Variants in CEACAM7 observed in about 807,000 individuals in gnomAD.
CEACAM7 encodes the protein CEA cell adhesion molecule 7.
A neutral mutation model predicts 25.7 loss-of-function variants in CEACAM7; 24 were observed. The ratio of observed to expected loss-of-function variants is 0.93; its 90% confidence interval spans 0.68 to 1.31. The LOEUF (loss-of-function observed/expected upper bound fraction) is 1.31. Among genes scored for constraint, CEACAM7 ranks in the 40% most tolerant of loss-of-function variants. The probability of loss-of-function intolerance (pLI) is 0.00; values close to 1 mark genes in which losing one functional copy is unlikely to be tolerated. For synonymous variants in CEACAM7, 144 were observed against 129.4 expected (o/e 1.11, Z -0.77); for missense variants, 324 against 330.1 (o/e 0.98, Z 0.14).
intron 4 of CEACAM7, among the ~76,000 whole-genome samples, chr19:41,677,058 G>A (rs1347275578): frequency 6.6e-6 from 1 of 152,190 alleles, no homozygotes; most frequent in African/African-American, 2.4e-5. Context: ...TCAAGCAGTT[G>A]TTGAGGTTTA....
chr19:41,683,756 T>C, intron 3 of CEACAM7, 29 bp downstream of exon 3: 2 of 1,611,736 alleles, frequency 1.2e-6, no homozygotes, highest in Non-Finnish European at 1.7e-6. Context: ...GCTGTCAGCC[T>C]GGGCCACAGA....
At chr19:41,678,669 C>T (rs1313645830) in intron 3 of CEACAM7, among the ~76,000 whole-genome samples, 4 of 152,092 alleles carry the variant, frequency 2.6e-5, no homozygotes, top group African/African-American at 4.8e-5. Flanking sequence ...TAGTGACAGG[C>T]GGATCTAGGA....
chr19:41,686,558 T>G (rs1337564761), intron 2 of CEACAM7, among the ~76,000 whole-genome samples: 2 of 152,088 alleles, frequency 1.3e-5, no homozygotes, highest in African/African-American at 2.4e-5. Context: ...CTGACCCAGT[T>G]CTCCAGGGTC....
chr19:41,677,692 AG>A (rs2072129867), intron 3 of CEACAM7, among the ~76,000 whole-genome samples, 189 bp from the exon 4 acceptor site: 1 of 152,206 alleles, frequency 6.6e-6, no homozygotes, highest in South Asian at 2.1e-4. Context: ...CCAGGTTTCC[AG>A]GTTGATGGTC....
intron 1 of CEACAM7, 76 bp from the exon 2 acceptor site, chr19:41,687,297 G>C (rs1291665225): frequency 6.8e-7 from 1 of 1,472,730 alleles, no homozygotes; most frequent in Non-Finnish European, 9.1e-7. Flanking sequence ...TGGATCCTGA[G>C]CAGGTCTCTT....
intron 4 of CEACAM7, among the ~76,000 whole-genome samples, chr19:41,676,700 C>A (rs1400968991): frequency 1.3e-5 from 2 of 152,184 alleles, no homozygotes; most frequent in Non-Finnish European, 2.9e-5. Flanking sequence ...CTTTGTCCTC[C>A]ACAAGGACAG....
At chr19:41,687,635 G>A (rs536241390) in intron 1 of CEACAM7, among the ~76,000 whole-genome samples, 37 of 152,300 alleles carry the variant, frequency 2.4e-4, no homozygotes, top group African/African-American at 7.9e-4. Flanking sequence ...GCATGAGAGC[G>A]TGAGCTCTGT....
At position 41,688,174 on chromosome 19, in the gene CEACAM7, C is replaced by T. The variant is rs782063524; in HGVS notation, c.-9G>A. On this transcript the variant is annotated 5_prime_UTR_variant, in exon 1 of 5. Transcript: ENST00000401731. ...GCTGAAGGGGACCCCATGGTCTCTGCTGCCTGCTTGTCCTCTGTGGAGAAG... is the reference window on the plus strand; with the variant it reads ...GCTGAAGGGGACCCCATGGTCTCTGTTGCCTGCTTGTCCTCTGTGGAGAAG... The T allele has an allele frequency of 1.2e-6, 2 of 1,609,678 alleles. No individual in the cohort carries two copies. Among genetic ancestry groups the T allele is most frequent in the East Asian group, 4.5e-5 (2 of 44,510 alleles).
chr19:41,677,052 G>C (rs1282749450), intron 4 of CEACAM7, among the ~76,000 whole-genome samples: 3 of 152,192 alleles, frequency 2.0e-5, no homozygotes, highest in Admixed American at 1.3e-4. Context: ...AGGACTTCAA[G>C]CAGTTGTTGA....
chr19:41,674,579 G>A lies in CEACAM7; in HGVS notation c.*197C>T. ...GTTATGGTGTTGAACATTTTGGTTA[G>A]CTCTGAGTGGCCCACATCTCAGGCA... On this transcript the variant is annotated 3_prime_UTR_variant, in exon 5 of 5. Transcript: ENST00000401731. The A allele has an allele frequency of 6.9e-6, 2 of 290,334 alleles. No individual in the cohort carries two copies. Among genetic ancestry groups the A allele is most frequent in the Non-Finnish European group, 1.3e-5 (2 of 149,370 alleles). The allele number at this position is 290,334 out of a possible 1,614,324, so 18.0% of individuals were successfully genotyped here. A position where few individuals can be genotyped will look rare whatever the true frequency, so the allele number is the denominator to read the frequency against.
At chr19:41,684,402 C>T (rs1031250560) in intron 2 of CEACAM7, among the ~76,000 whole-genome samples, 1 of 152,178 alleles carries the variant, frequency 6.6e-6, no homozygotes, top group African/African-American at 2.4e-5. Flanking sequence ...GTCCTCACCT[C>T]GAATGGGCAG....
chr19:41,686,886 CTTCA>C lies in CEACAM7; in HGVS notation c.396_399del (p.Asn132LysfsTer3). 1 of 1,532,252 alleles carries C rather than the reference CTTCA, an allele frequency of 6.5e-7. No homozygotes were observed. The highest frequency in any genetic ancestry group is 1.3e-5 in the South Asian group (1 of 75,854). The allele number at this position is 1,532,252 out of a possible 1,614,324, so 94.9% of individuals were successfully genotyped here. A position where few individuals can be genotyped will look rare whatever the true frequency, so the allele number is the denominator to read the frequency against. On this transcript the variant is annotated frameshift_variant, in exon 2 of 5. Transcript: ENST00000401731. LOFTEE classifies it high-confidence loss of function. ...AATACGTAGAATTGTCTGGTTACTTCTTCATTCACAAGATTTTCTTTTATAACGT... is the reference window on the plus strand; with the variant it reads ...AATACGTAGAATTGTCTGGTTACTTCTTCACAAGATTTTCTTTTATAACGT...
At chr19:41,678,989 A>G (rs1449443254) in intron 3 of CEACAM7, among the ~76,000 whole-genome samples, 2 of 152,238 alleles carry the variant, frequency 1.3e-5, no homozygotes, top group African/African-American at 4.8e-5. Flanking sequence ...AGAAAAACAA[A>G]TGAAACCCAA....
intron 2 of CEACAM7, among the ~76,000 whole-genome samples, chr19:41,685,528 T>C (rs1156404743): frequency 1.3e-5 from 2 of 152,288 alleles, no homozygotes; most frequent in Admixed American, 1.3e-4. Flanking sequence ...GAAGAGATTA[T>C]GGATCATTCA....
chr19:41,677,447 T>C lies in CEACAM7; in HGVS notation c.763A>G (p.Met255Val), dbSNP rs1555810236. 2 of 1,614,118 alleles carry C rather than the reference T, an allele frequency of 1.2e-6. No individual in the cohort carries two copies. The highest frequency in any genetic ancestry group is 1.7e-6 in the Non-Finnish European group (2 of 1,179,944). The change falls in exon 4 of 5, where the codon ATG becomes GTG. Residue 255 changes from methionine to valine, a missense_variant. Physicochemically the swap from Met to Val is conservative, Grantham distance 21. Transcript: ENST00000401731. ...GCCATCCCAGCCAGTACTCCAATCA[T>C]GATGCTGACAGCGGTCCCAGCTGAG... ...DLSAGTAVSIMIGVLAGMALI is the reference protein window; with the variant it reads ...DLSAGTAVSIVIGVLAGMALI
rs201178902 is a variant in CEACAM7 at position 41,686,935 on chromosome 19, G to A, written c.351C>T (p.Asp117=). Residue 117 remains aspartate (D), a synonymous_variant, in exon 2 of 5, where the codon GAC becomes GAT. Coordinates refer to ENST00000401731, the MANE Select transcript of CEACAM7 (RefSeq NM_001291485.2). ...TLLIQNVTHN[D]AGIYTLHVIK... is the part of the protein sequence containing the mutation. Reference sequence around the variant, plus strand: ...TAACGTGTAGGGTATAGATTCCTGCGTCATTGTGGGTGACGTTCTGGATCA... The same window carrying A: ...TAACGTGTAGGGTATAGATTCCTGCATCATTGTGGGTGACGTTCTGGATCA... 10 of 1,599,306 alleles carry A rather than the reference G, an allele frequency of 6.3e-6. No individual in the cohort carries two copies. Among genetic ancestry groups the A allele is most frequent in the South Asian group, 2.3e-5 (2 of 88,732 alleles).
chr19:41,674,943 G>A (rs62117968), intron 4 of CEACAM7, among the ~76,000 whole-genome samples: 121 of 152,314 alleles, frequency 7.9e-4, no homozygotes, highest in Non-Finnish European at 1.3e-3. Context: ...AGTATAGCAA[G>A]AATAGCGATT....
rs1422803207 is a variant in CEACAM7 at position 41,673,760 on chromosome 19, G to C, written c.*1016C>G. The C allele has an allele frequency of 6.6e-6, 1 of 152,218 alleles. No individual in the cohort carries two copies. The highest frequency in any genetic ancestry group is 2.4e-5 in the African/African-American group (1 of 41,450). 9.4% of individuals were successfully genotyped at this position (152,218 alleles called of 1,614,324 possible). ...TGGACTTCCATCATTCATAGGTTAT[G>C]ATGTCCTCCTAATCATACATTTATT... On this transcript the variant is annotated 3_prime_UTR_variant, in exon 5 of 5. Coordinates refer to ENST00000401731, the MANE Select transcript of CEACAM7 (RefSeq NM_001291485.2).
At chr19:41,681,576 A>G (rs1360207554) in intron 3 of CEACAM7, among the ~76,000 whole-genome samples, 1 of 152,222 alleles carries the variant, frequency 6.6e-6, no homozygotes, top group Non-Finnish European at 1.5e-5. Context: ...ATATATCCAC[A>G]CAATGGAAAC....
Sources: allele counts gnomAD v4.1 joint callset (sites outside exome capture counted in the v4.1 genomes callset), GRCh38; gene constraint gnomAD v4.1.1; transcripts MANE v1.5; gene names NCBI Gene and HGNC (gene_info 2026-07-23, HGNC 2026-07-21).